The following CEP128 variants were observed in gnomAD, a reference collection of about 807,000 sequenced individuals.
CEP128 encodes the protein centrosomal protein 128kDa.
In CEP128, 132 loss-of-function variants were observed where a neutral mutation model predicts 156.7. That is an observed-to-expected ratio of 0.84 (90% CI 0.73 to 0.97). CEP128 has a LOEUF of 0.97. Ranked by LOEUF, CEP128 falls within the 50% of genes least tolerant of loss-of-function variation. The pLI, the probability that CEP128 is intolerant of heterozygous loss-of-function variation, is 0.00. For missense variants in CEP128, 1,252 were observed against 1,281.9 expected (o/e 0.98, Z 0.36); for synonymous variants, 469 against 448.9 (o/e 1.04, Z -0.57).
chr14:80,654,590 C>T (rs1238059227), intron 19 of CEP128, among the ~76,000 whole-genome samples: 1 of 152,124 alleles, frequency 6.6e-6, no homozygotes, highest in Non-Finnish European at 1.5e-5. Flanking sequence ...TGTAGTTTGG[C>T]TTGAAATGGT....
chr14:80,690,135 G>A (rs1387034454), intron 19 of CEP128, among the ~76,000 whole-genome samples: 1 of 151,812 alleles, frequency 6.6e-6, no homozygotes, highest in Non-Finnish European at 1.5e-5. Flanking sequence ...GGCAGGGCGT[G>A]GTGGCTCACG....
At chr14:80,927,729 T>C (rs1409519945) in intron 2 of CEP128, among the ~76,000 whole-genome samples, 1 of 152,224 alleles carries the variant, frequency 6.6e-6, no homozygotes, top group Non-Finnish European at 1.5e-5. Flanking sequence ...CTGTGACCTC[T>C]GCCCACCACT....
intron 19 of CEP128, among the ~76,000 whole-genome samples, chr14:80,651,762 T>C (rs1275052939): frequency 2.6e-5 from 4 of 152,162 alleles, no homozygotes. Flanking sequence ...TCTAATTTGA[T>C]TGTACTGTGG....
At chr14:80,689,734 T>C (rs991209030) in intron 19 of CEP128, among the ~76,000 whole-genome samples, 1 of 152,168 alleles carries the variant, frequency 6.6e-6, no homozygotes, top group Non-Finnish European at 1.5e-5. Flanking sequence ...AAAATTTGTA[T>C]ATAACAGGCT....
At chr14:80,710,781 C>G (rs932700448) in intron 19 of CEP128, among the ~76,000 whole-genome samples, 2 of 151,698 alleles carry the variant, frequency 1.3e-5, no homozygotes, top group South Asian at 2.1e-4. Flanking sequence ...AAAAATCAAA[C>G]GTGATTTTGA....
chr14:80,644,296 T>TAAG (rs1894545970), intron 19 of CEP128, among the ~76,000 whole-genome samples: 1 of 152,218 alleles, frequency 6.6e-6, no homozygotes, highest in South Asian at 2.1e-4. Flanking sequence ...GAAACTGACA[T>TAAG]ACGATGTTTC....
At chr14:80,700,947 C>A (rs758940413) in intron 19 of CEP128, among the ~76,000 whole-genome samples, 13 of 152,142 alleles carry the variant, frequency 8.5e-5, no homozygotes, top group African/African-American at 1.2e-4. Flanking sequence ...GAGTCTGCTC[C>A]TTTCAGTCTC....
In CEP128 at chr14:80,656,268, TAA is replaced by T. The variant is rs1457814917; in HGVS notation, c.2807-75847_2807-75846del. Among the ~76,000 whole-genome samples, 468 of 104,762 alleles carry T rather than the reference TAA, an allele frequency of 4.5e-3. 9 individuals are homozygous for T. The highest frequency in any genetic ancestry group is 7.0e-3 in the Admixed American group (61 of 8,740). 68.7% of individuals were successfully genotyped at this position (104,762 alleles called of 152,430 possible). Reference sequence around the variant, plus strand: ...ATCCTCAAGTATTTCTCAATAAACCTAAGTTTTTATTTATATATATATTTATA... The same window carrying T: ...ATCCTCAAGTATTTCTCAATAAACCTGTTTTTATTTATATATATATTTATA... On this transcript the variant is annotated intron_variant, in intron 19 of 24. Transcript: ENST00000555265.
At chr14:80,487,990 T>A (rs1887207342), downstream of CEP128, among the ~76,000 whole-genome samples, 1 of 149,802 alleles carries the variant, frequency 6.7e-6, no homozygotes. Context: ...AGCAAACACA[T>A]TCAAAAGCTA....
At position 80,900,025 on chromosome 14, in the gene CEP128, T is replaced by C. The variant is rs1883449193; in HGVS notation, c.485A>G (p.His162Arg). ...GTCTCGAAGAGACTGATGAAAACCA[T>C]GAAGCTAGCAAAGGCAAAACACAGT... ...VQETDDMTQL[H>R]GFHQSLRDLS... The change falls in exon 7 of 25, where the codon CAT becomes CGT. Residue 162 changes from histidine to arginine, a missense_variant. Coordinates refer to ENST00000555265, the MANE Select transcript of CEP128 (RefSeq NM_152446.5). 6.2e-6 allele frequency: 10 copies of C among 1,608,838 alleles called. No homozygotes were observed. Among genetic ancestry groups the C allele is most frequent in the Non-Finnish European group, 8.5e-6 (10 of 1,176,590 alleles).
At chr14:80,625,075 A>G (rs1893653258) in intron 19 of CEP128, among the ~76,000 whole-genome samples, 1 of 152,172 alleles carries the variant, frequency 6.6e-6, no homozygotes, top group Admixed American at 6.5e-5. Context: ...TAAGTCTTTA[A>G]TCCATTTTGA....
intron 21 of CEP128, among the ~76,000 whole-genome samples, chr14:80,555,817 G>T (rs1422349661): frequency 6.6e-6 from 1 of 152,042 alleles, no homozygotes; most frequent in Non-Finnish European, 1.5e-5. Context: ...ATGATGCAAT[G>T]ATGCCTCAAT....
intron 19 of CEP128, among the ~76,000 whole-genome samples, chr14:80,622,997 G>T (rs1255359592): frequency 1.3e-5 from 2 of 152,110 alleles, no homozygotes; most frequent in African/African-American, 4.8e-5. Flanking sequence ...CTGCTATAAA[G>T]ACACATGCAC....
intron 19 of CEP128, chr14:80,742,670 G>A (rs1440853185): frequency 6.1e-6 from 1 of 164,258 alleles, no homozygotes; most frequent in African/African-American, 2.4e-5. Context: ...ATAAGGGTAG[G>A]GTTTTTTTCT....
intron 19 of CEP128, among the ~76,000 whole-genome samples, chr14:80,729,056 G>GGTGGGT (rs771841400): frequency 1.1e-5 from 1 of 88,180 alleles, no homozygotes; most frequent in African/African-American, 4.2e-5. Flanking sequence ...TGGGCTGGTG[G>GGTGGGT]GGGTGTGTGT....
intron 14 of CEP128, among the ~76,000 whole-genome samples, chr14:80,480,515 C>A (rs1272129480): frequency 6.6e-6 from 1 of 152,078 alleles, no homozygotes; most frequent in Non-Finnish European, 1.5e-5. Context: ...AACAAAGGGA[C>A]CCTGGACCTG....
intron 19 of CEP128, among the ~76,000 whole-genome samples, chr14:80,630,974 G>A (rs527946273): frequency 6.6e-6 from 1 of 152,060 alleles, no homozygotes; most frequent in African/African-American, 2.4e-5. Context: ...AACATGCAGT[G>A]CCTACTTTCT....
rs148166895 is a variant in CEP128, at chr14:80,597,204, G to C, written c.2807-16781C>G. 2.0e-5 allele frequency among the ~76,000 whole-genome samples: 3 copies of C among 152,176 alleles called. No individual in the cohort carries two copies. The East Asian group carries it at 5.8e-4, about 29-fold the overall frequency. ...GACAGAGAAAGAGAGACGGGGCAGG[G>C]AACAAGGGAGGGTGAAGAGAAAACA... On this transcript the variant is annotated intron_variant, in intron 19 of 24. Transcript: ENST00000555265.
At chr14:80,534,792 T>C (rs1889405307) in intron 21 of CEP128, among the ~76,000 whole-genome samples, 2 of 120,362 alleles carry the variant, frequency 1.7e-5, no homozygotes, top group African/African-American at 6.7e-5. Flanking sequence ...ACCACTGCAC[T>C]CCAGCCTGGG....
Sources: gnomAD v4.1 joint callset for allele counts (sites outside exome capture counted in the v4.1 genomes callset) on GRCh38, gnomAD v4.1.1 for gene constraint, MANE v1.5 for transcripts, NCBI Gene and HGNC (gene_info 2026-07-23, HGNC 2026-07-21) for gene names.